The following SBF2 variants were observed in gnomAD, a reference collection of about 807,000 sequenced individuals.
The protein encoded by SBF2 is SET binding factor 2, also known as myotubularin-related protein 13.
In SBF2, 112 loss-of-function variants were observed where a neutral mutation model predicts 225.2. The ratio of observed to expected loss-of-function variants is 0.50; its 90% CI spans 0.43 to 0.58. SBF2 has a LOEUF of 0.58. Ranked by LOEUF, SBF2 falls within the 20% of genes least tolerant of loss-of-function variation. The probability of loss-of-function intolerance (pLI) is 0.00; values close to 1 mark genes in which losing one functional copy is unlikely to be tolerated. For missense variants in SBF2, 1,996 were observed against 2,206.2 expected (o/e 0.90, Z 1.91); for synonymous variants, 763 against 773.3 (o/e 0.99, Z 0.22).
intron 17 of SBF2, among the ~76,000 whole-genome samples, chr11:9,871,484 T>TATTATTATC (rs1858737000): frequency 6.8e-6 from 1 of 146,550 alleles, no homozygotes; most frequent in Non-Finnish European, 1.5e-5. Flanking sequence ...TTATTATTAT[T>TATTATTATC]ATTATTATTA....
At chr11:10,190,736 T>G (rs1287742738) in intron 2 of SBF2, among the ~76,000 whole-genome samples, 3 of 152,212 alleles carry the variant, frequency 2.0e-5, no homozygotes, top group Non-Finnish European at 2.9e-5. Context: ...TGAGCCCATG[T>G]GTGTTCTCAG....
At chr11:10,259,192 G>C (rs577023357) in intron 1 of SBF2, among the ~76,000 whole-genome samples, 4 of 152,268 alleles carry the variant, frequency 2.6e-5, no homozygotes, top group African/African-American at 9.6e-5. Flanking sequence ...GTACAAGTCA[G>C]GTGTTAAGAG....
chr11:10,074,297 T>C (rs1206629326), intron 2 of SBF2, among the ~76,000 whole-genome samples: 1 of 152,228 alleles, frequency 6.6e-6, no homozygotes, highest in African/African-American at 2.4e-5. Flanking sequence ...CCTTGCCTAA[T>C]GCTTATTAGC....
chr11:9,867,111 A>C (rs1858288901), intron 17 of SBF2, among the ~76,000 whole-genome samples: 2 of 152,190 alleles, frequency 1.3e-5, no homozygotes, highest in African/African-American at 4.8e-5. Context: ...TACATTTAAA[A>C]ATAACTAAAA....
intron 1 of SBF2, among the ~76,000 whole-genome samples, chr11:10,237,891 C>T (rs1434008530): frequency 6.6e-6 from 1 of 152,150 alleles, no homozygotes; most frequent in Non-Finnish European, 1.5e-5. Flanking sequence ...GGGAGGGGGT[C>T]ACTTCTATTG....
intron 13 of SBF2, among the ~76,000 whole-genome samples, chr11:9,970,559 A>C (rs1238513400): frequency 6.6e-6 from 1 of 152,184 alleles, no homozygotes; most frequent in Non-Finnish European, 1.5e-5. Context: ...GACCTAGATA[A>C]AGAAAATGTT....
intron 1 of SBF2, among the ~76,000 whole-genome samples, chr11:10,283,843 T>G (rs909500702): frequency 2.0e-5 from 3 of 152,094 alleles, no homozygotes; most frequent in Non-Finnish European, 2.9e-5. Flanking sequence ...AATCAAACTA[T>G]CATAAAAATC....
At chr11:10,051,593 G>A (rs187929529) in intron 2 of SBF2, among the ~76,000 whole-genome samples, 37 of 152,072 alleles carry the variant, frequency 2.4e-4, no homozygotes, top group South Asian at 1.4e-3. Context: ...CACTGGTTAC[G>A]TATGAGATCC....
chr11:10,179,417 A>C (rs1956634156), intron 2 of SBF2, among the ~76,000 whole-genome samples: 1 of 149,434 alleles, frequency 6.7e-6, no homozygotes, highest in African/African-American at 2.5e-5. Flanking sequence ...ACAAACAAAC[A>C]AAAAAAACTT....
intron 2 of SBF2, among the ~76,000 whole-genome samples, chr11:10,077,416 C>T (rs1220129795): frequency 2.0e-5 from 3 of 152,140 alleles, no homozygotes; most frequent in African/African-American, 4.8e-5. Flanking sequence ...TACAAGGCTA[C>T]AGTAACCAAA....
intron 2 of SBF2, among the ~76,000 whole-genome samples, chr11:10,079,287 A>C (rs1951260617): frequency 6.6e-6 from 1 of 152,242 alleles, no homozygotes; most frequent in Admixed American, 6.5e-5. Flanking sequence ...AAATAAATTC[A>C]GGATATAATT....
intron 19 of SBF2, among the ~76,000 whole-genome samples, chr11:9,854,344 G>C (rs965417850): frequency 1.3e-5 from 2 of 152,156 alleles, no homozygotes; most frequent in East Asian, 3.8e-4. Context: ...ATTTGAAATG[G>C]AACAGATGTG....
chr11:9,992,368 G>A (rs943685013), intron 12 of SBF2, 47 bp downstream of exon 12: 1 of 1,517,304 alleles, frequency 6.6e-7, no homozygotes, highest in African/African-American at 1.4e-5. Flanking sequence ...TTAACTACTA[G>A]TCTAATTATG....
At chr11:10,189,678 CTAA>C (rs1957082012) in intron 2 of SBF2, among the ~76,000 whole-genome samples, 2 of 152,126 alleles carry the variant, frequency 1.3e-5, no homozygotes, top group Non-Finnish European at 2.9e-5. Context: ...GTTAGAAATT[CTAA>C]CTGAATGCTT....
intron 2 of SBF2, among the ~76,000 whole-genome samples, chr11:10,105,206 TG>T (rs1175412220): frequency 4.6e-5 from 7 of 152,148 alleles, no homozygotes; most frequent in African/African-American, 1.7e-4. Context: ...CACTGTGTCT[TG>T]AAAGGACTGA....
chr11:10,294,108 C>T lies in SBF2; in HGVS notation c.-39G>A, dbSNP rs1374303479. On this transcript the variant is annotated 5_prime_UTR_variant, in exon 1 of 40. Coordinates refer to ENST00000256190, the MANE Select transcript of SBF2 (RefSeq NM_030962.4). ...GCGCTCGGGAAGCGGGTCCCCGTCGCCGCCCTCGCCGCCGCCGCCCACCCG... is the reference window on the plus strand; with the variant it reads ...GCGCTCGGGAAGCGGGTCCCCGTCGTCGCCCTCGCCGCCGCCGCCCACCCG... 4.6e-6 allele frequency: 6 copies of T among 1,306,822 alleles called. No individual in the cohort carries two copies. The highest frequency in any genetic ancestry group is 5.8e-6 in the Non-Finnish European group (6 of 1,027,332). 81.0% of individuals were successfully genotyped at this position (1,306,822 alleles called of 1,614,324 possible).
intron 16 of SBF2, chr11:9,958,752 TG>T: frequency 4.5e-6 from 2 of 446,192 alleles, no homozygotes; most frequent in Admixed American, 2.7e-5. Context: ...GTTTTTGTAC[TG>T]GAAGGGCTCA....
intron 2 of SBF2, among the ~76,000 whole-genome samples, chr11:10,062,020 TAGAG>T (rs1013115920): frequency 2.9e-4 from 44 of 151,974 alleles, no homozygotes; most frequent in African/African-American, 1.1e-3. Context: ...AAGAGACCAA[TAGAG>T]AGCCCAGAAA....
rs529155457 is a variant in SBF2, at chr11:10,055,546, C to T, written c.142-12565G>A. On this transcript the variant is annotated intron_variant, in intron 2 of 39. Coordinates refer to ENST00000256190, the MANE Select transcript of SBF2 (RefSeq NM_030962.4). ...TGATACACACACACACACACACACA[C>T]ACACACACACACACACACACACACA... Among the ~76,000 whole-genome samples, 47 of 150,184 alleles carry T rather than the reference C, an allele frequency of 3.1e-4. 1 individual carries two copies. The South Asian group carries it at 9.6e-3, about 31-fold the overall frequency.
Sources: allele counts gnomAD v4.1 joint callset (sites outside exome capture counted in the v4.1 genomes callset), GRCh38; gene constraint gnomAD v4.1.1; transcripts MANE v1.5; gene names NCBI Gene and HGNC (gene_info 2026-07-23, HGNC 2026-07-21).